The following PDZRN4 variants were observed in gnomAD, a reference collection of about 807,000 sequenced individuals.
PDZRN4 encodes the protein PDZ domain-containing RING finger protein 4.
PDZRN4 carries 70 observed loss-of-function variants against 99.0 expected under a neutral mutation model. That is an observed-to-expected ratio of 0.71 (90% CI 0.58 to 0.86). The LOEUF (loss-of-function observed/expected upper bound fraction) is 0.86, where lower values mean the gene tolerates loss of function less well. Among genes scored for constraint, PDZRN4 ranks in the 40% least tolerant of loss-of-function variants. The pLI, the probability that PDZRN4 is intolerant of heterozygous loss-of-function variation, is 0.00. For missense variants in PDZRN4, 1,474 were observed against 1,331.2 expected (o/e 1.11, Z -1.67); for synonymous variants, 551 against 501.6 (o/e 1.10, Z -1.32).
intron 3 of PDZRN4, among the ~76,000 whole-genome samples, chr12:41,236,469 T>G (rs1951067665): frequency 1.3e-5 from 2 of 152,208 alleles, no homozygotes; most frequent in South Asian, 4.2e-4. Context: ...GGGTGTCATG[T>G]TGGTGCCTGT....
intron 3 of PDZRN4, among the ~76,000 whole-genome samples, chr12:41,217,299 C>T (rs1379722429): frequency 6.6e-6 from 1 of 152,050 alleles, no homozygotes; most frequent in Non-Finnish European, 1.5e-5. Context: ...GGAAGCTACA[C>T]AGGGCTCAGG....
chr12:41,264,589 T>A (rs1158590509), intron 3 of PDZRN4, among the ~76,000 whole-genome samples: 3 of 152,210 alleles, frequency 2.0e-5, no homozygotes, highest in African/African-American at 7.2e-5. Flanking sequence ...GTTCTGTTTT[T>A]TCATTAGTGT....
At chr12:41,481,845 T>C (rs1201946123) in intron 3 of PDZRN4, among the ~76,000 whole-genome samples, 2 of 152,176 alleles carry the variant, frequency 1.3e-5, no homozygotes, top group Non-Finnish European at 2.9e-5. Context: ...GCCAATGTAG[T>C]ATATATTACA....
chr12:41,339,713 A>G (rs1009564154), intron 3 of PDZRN4, among the ~76,000 whole-genome samples: 2 of 151,970 alleles, frequency 1.3e-5, no homozygotes, highest in Admixed American at 6.6e-5. Flanking sequence ...AATGCACTCA[A>G]ACAACTCAAT....
chr12:41,312,226 G>A (rs1182783490), intron 3 of PDZRN4, among the ~76,000 whole-genome samples: 3 of 150,762 alleles, frequency 2.0e-5, no homozygotes, highest in African/African-American at 7.3e-5. Context: ...TTATATTTAT[G>A]AGCAGCTTTC....
At position 41,374,106 on chromosome 12, in the gene PDZRN4, C is replaced by T. The variant is rs540093738; in HGVS notation, c.844-132350C>T. ...CGCTGGAGCGAGAGCTCTTTGGCTA[C>T]CTCCTTGAGGACAGGTCTTTGCAGT... On this transcript the variant is annotated intron_variant, in intron 3 of 9. Transcript: ENST00000402685. 9.9e-5 allele frequency among the ~76,000 whole-genome samples: 15 copies of T among 152,170 alleles called. No individual in the cohort carries two copies. The South Asian group carries it at 3.1e-3, about 32-fold the overall frequency.
intron 3 of PDZRN4, among the ~76,000 whole-genome samples, chr12:41,394,026 T>A (rs936170122): frequency 1.3e-5 from 2 of 152,204 alleles, no homozygotes; most frequent in African/African-American, 4.8e-5. Context: ...GCCTTATAAA[T>A]GGAAATGTAT....
chr12:41,511,892 T>C (rs893700949), intron 5 of PDZRN4, among the ~76,000 whole-genome samples: 2 of 152,118 alleles, frequency 1.3e-5, no homozygotes, highest in African/African-American at 4.8e-5. Context: ...CTTTTACTGT[T>C]ACACCTAGAA....
intron 3 of PDZRN4, among the ~76,000 whole-genome samples, chr12:41,362,727 G>A (rs946585654): frequency 6.6e-6 from 1 of 152,090 alleles, no homozygotes; most frequent in Admixed American, 6.6e-5. Flanking sequence ...GTGATGGGAA[G>A]CAGCTGCTAT....
At chr12:41,474,105 G>T (rs1379788469) in intron 3 of PDZRN4, among the ~76,000 whole-genome samples, 1 of 152,218 alleles carries the variant, frequency 6.6e-6, no homozygotes, top group Non-Finnish European at 1.5e-5. Context: ...AAGATTAAAT[G>T]CAGTGGGGGA....
intron 3 of PDZRN4, among the ~76,000 whole-genome samples, chr12:41,283,858 C>T (rs900980916): frequency 2.0e-5 from 3 of 152,114 alleles, no homozygotes; most frequent in Admixed American, 2.0e-4. Flanking sequence ...TGGAACATAT[C>T]TCAAAATAAT....
chr12:41,286,283 G>C (rs1300629587), intron 3 of PDZRN4, among the ~76,000 whole-genome samples: 1 of 150,788 alleles, frequency 6.6e-6, no homozygotes, highest in South Asian at 2.1e-4. Context: ...AAAGAAGAAG[G>C]CTGATCGCTC....
chr12:41,553,879 C>G (rs868207983), intron 6 of PDZRN4, among the ~76,000 whole-genome samples: 2 of 65,432 alleles, frequency 3.1e-5, no homozygotes, highest in Middle Eastern at 0.011. Flanking sequence ...AAAACGTTAC[C>G]TAAATATACT....
At chr12:41,238,658 A>G (rs1275324265) in intron 3 of PDZRN4, among the ~76,000 whole-genome samples, 2 of 152,128 alleles carry the variant, frequency 1.3e-5, no homozygotes, top group Non-Finnish European at 2.9e-5. Flanking sequence ...AGAAATTCCA[A>G]TCAAAACCAC....
chr12:41,559,670 T>C (rs904910683), intron 7 of PDZRN4, among the ~76,000 whole-genome samples: 2 of 152,144 alleles, frequency 1.3e-5, no homozygotes, highest in African/African-American at 4.8e-5. Flanking sequence ...TCTAATGAGC[T>C]CTCTCTTCAT....
chr12:41,238,498 G>T (rs549444382), intron 3 of PDZRN4, among the ~76,000 whole-genome samples: 7 of 151,902 alleles, frequency 4.6e-5, no homozygotes, highest in Non-Finnish European at 8.8e-5. Context: ...AATATCCAGA[G>T]TCTACAAGGA....
At chr12:41,368,173 C>T (rs890299597) in intron 3 of PDZRN4, among the ~76,000 whole-genome samples, 1 of 152,082 alleles carries the variant, frequency 6.6e-6, no homozygotes, top group Non-Finnish European at 1.5e-5. Flanking sequence ...GCCTTTACTT[C>T]TGTCTGCCAC....
intron 3 of PDZRN4, among the ~76,000 whole-genome samples, chr12:41,338,157 T>G (rs746986489): frequency 6.6e-6 from 1 of 152,134 alleles, no homozygotes; most frequent in African/African-American, 2.4e-5. Flanking sequence ...CTTGTCTATA[T>G]CTAAGTATGC....
intron 3 of PDZRN4, among the ~76,000 whole-genome samples, chr12:41,276,979 G>T (rs1951353683): frequency 6.6e-6 from 1 of 152,070 alleles, no homozygotes; most frequent in Non-Finnish European, 1.5e-5. Flanking sequence ...AACAAGAGGG[G>T]AATCTGGATA....
Sources: gnomAD v4.1 joint callset for allele counts (sites outside exome capture counted in the v4.1 genomes callset) on GRCh38, gnomAD v4.1.1 for gene constraint, MANE v1.5 for transcripts, NCBI Gene and HGNC (gene_info 2026-07-23, HGNC 2026-07-21) for gene names.